Variants in COG6 observed in about 807,000 individuals in gnomAD.
The protein encoded by COG6 is conserved oligomeric Golgi complex subunit 6.
Under a neutral mutation model 88.8 loss-of-function variants are expected in COG6, and 74 were observed. The observed-to-expected ratio is 0.83, with a 90% confidence interval of 0.69 to 1.01. COG6 has a LOEUF of 1.01. Among genes scored for constraint, COG6 ranks in the 50% least tolerant of loss-of-function variants. The pLI is 0.00. For synonymous variants in COG6, 286 were observed against 278.7 expected, an observed-to-expected ratio of 1.03 and a Z score of -0.26; for missense variants, 800 against 797.9, an observed-to-expected ratio of 1.00 and a Z score of -0.03.
chr13:39,718,288 T>C (rs1307402700), intron 13 of COG6, among the ~76,000 whole-genome samples: 1 of 152,134 alleles, frequency 6.6e-6, no homozygotes. Flanking sequence ...TGAAACCATC[T>C]TATAATAAAT....
chr13:39,678,804 T>C (rs1876128377), intron 5 of COG6, among the ~76,000 whole-genome samples: 1 of 152,132 alleles, frequency 6.6e-6, no homozygotes. Flanking sequence ...GGTGAGAGAA[T>C]TAATAGAGAT....
chr13:39,766,285 A>G (rs1881163369), intron 18 of COG6, among the ~76,000 whole-genome samples: 1 of 152,184 alleles, frequency 6.6e-6, no homozygotes, highest in Admixed American at 6.5e-5. Flanking sequence ...CTTGAAAGGA[A>G]AGGGTTGCCA....
At chr13:39,700,674 A>G (rs776122268) in intron 13 of COG6, among the ~76,000 whole-genome samples, 4 of 151,916 alleles carry the variant, frequency 2.6e-5, no homozygotes, top group East Asian at 1.9e-4. Flanking sequence ...TGAACACTCA[A>G]CATCTGTTGG....
chr13:39,672,309 A>G (rs1322688288), intron 4 of COG6, among the ~76,000 whole-genome samples: 3 of 152,006 alleles, frequency 2.0e-5, no homozygotes, highest in Non-Finnish European at 4.4e-5. Context: ...ACATATCATA[A>G]AATTAAAGTA....
chr13:39,695,862 G>A (rs1401632210), intron 12 of COG6, among the ~76,000 whole-genome samples: 2 of 151,912 alleles, frequency 1.3e-5, no homozygotes, highest in African/African-American at 4.8e-5. Flanking sequence ...ATAGCATCCT[G>A]TAATAAGAGA....
chr13:39,710,847 T>C (rs866299860), intron 13 of COG6, among the ~76,000 whole-genome samples: 394 of 150,262 alleles, frequency 2.6e-3, no homozygotes, highest in African/African-American at 8.8e-3. Context: ...TTCTTTTCTT[T>C]TTTTTTTTGA....
At chr13:39,718,203 A>G (rs545412169) in intron 13 of COG6, among the ~76,000 whole-genome samples, 23 of 151,952 alleles carry the variant, frequency 1.5e-4, no homozygotes, top group Non-Finnish European at 2.8e-4. Flanking sequence ...TGTTGTTTTT[A>G]TGAAGGAGAG....
chr13:39,781,885 A>G (rs977507402), intron 18 of COG6, among the ~76,000 whole-genome samples: 10 of 152,242 alleles, frequency 6.6e-5, no homozygotes, highest in African/African-American at 1.9e-4. Flanking sequence ...TTAATACTTT[A>G]TGGGAAGAAA....
intron 15 of COG6, among the ~76,000 whole-genome samples, chr13:39,722,637 A>G (rs1566195945): frequency 1.3e-5 from 2 of 151,596 alleles, no homozygotes; most frequent in Non-Finnish European, 2.9e-5. Flanking sequence ...AAAAAAAAGA[A>G]CAAGATTTTT....
intron 18 of COG6, among the ~76,000 whole-genome samples, chr13:39,728,863 C>T (rs957288735): frequency 3.3e-5 from 5 of 152,056 alleles, no homozygotes; most frequent in Admixed American, 2.6e-4. Context: ...TGGGGTGTCA[C>T]CATATTGGCC....
At chr13:39,753,765 G>C (rs1488559411), downstream of COG6, among the ~76,000 whole-genome samples, 1 of 151,976 alleles carries the variant, frequency 6.6e-6, no homozygotes, top group Non-Finnish European at 1.5e-5. Flanking sequence ...CCTCTCTGTA[G>C]GATTATTCTC....
At chr13:39,757,198 CAT>C (rs138242043), downstream of COG6, among the ~76,000 whole-genome samples, 2,246 of 152,184 alleles carry the variant, frequency 0.015, 50 homozygotes, top group African/African-American at 0.05. Context: ...AATATACTAA[CAT>C]GTGGAAATTA....
In COG6 at chr13:39,655,748, G is replaced by C. The variant is rs767038050; in HGVS notation, c.22G>C (p.Val8Leu). The C allele has an allele frequency of 1.9e-6, 3 of 1,595,334 alleles. No homozygotes were observed. The South Asian group carries it at 3.4e-5, about 18-fold the overall frequency. MAEGSGEVVAVSATGAAN... is the reference protein window; with the variant it reads MAEGSGELVAVSATGAAN... ...CGCTATGGCAGAGGGCAGCGGGGAAGTGGTCGCAGTGTCTGCGACCGGGGC... is the reference window on the plus strand; with the variant it reads ...CGCTATGGCAGAGGGCAGCGGGGAACTGGTCGCAGTGTCTGCGACCGGGGC... Residue 8 changes from valine to leucine, a missense_variant, in exon 1 of 19, where the codon GTG (valine) becomes CTG (leucine). Physicochemically the swap from Val to Leu is conservative, Grantham distance 32. Transcript: ENST00000455146.
intron 18 of COG6, among the ~76,000 whole-genome samples, chr13:39,731,512 T>A (rs1879452691): frequency 6.6e-6 from 1 of 152,216 alleles, no homozygotes; most frequent in Non-Finnish European, 1.5e-5. Context: ...AAACCACAGT[T>A]GTGCATATAT....
rs758521943 is a variant in COG6, at chr13:39,724,489, T to C, written c.1693-19T>C. Reference sequence around the variant, plus strand: ...TTTTTACATCTTGGATCTGCTTTTTTTTTTTTTTTTTTAAATAGGGCTCTT... The same window carrying C: ...TTTTTACATCTTGGATCTGCTTTTTCTTTTTTTTTTTTAAATAGGGCTCTT... On this transcript the variant is annotated intron_variant, in intron 16 of 18. Coordinates refer to ENST00000455146, the MANE Select transcript of COG6 (RefSeq NM_020751.3). 9.2e-6 allele frequency: 14 copies of C among 1,523,074 alleles called. No homozygotes were observed. The highest frequency in any genetic ancestry group is 1.2e-5 in the Non-Finnish European group (14 of 1,124,336). 94.3% of individuals were successfully genotyped at this position (1,523,074 alleles called of 1,614,324 possible).
chr13:39,775,277 G>A (rs202229543), intron 18 of COG6, among the ~76,000 whole-genome samples: 1 of 52,734 alleles, frequency 1.9e-5, no homozygotes, highest in African/African-American at 6.3e-5. Context: ...ACTCAAATAA[G>A]TTAAGACAGG....
intron 18 of COG6, among the ~76,000 whole-genome samples, chr13:39,777,153 C>T (rs1881488643): frequency 6.6e-6 from 1 of 152,028 alleles, no homozygotes; most frequent in South Asian, 2.1e-4. Context: ...TAAATATGAC[C>T]CTGCCACTGT....
chr13:39,789,695 T>C (rs1881884323), exon 19 of COG6: 1 of 152,200 alleles, frequency 6.6e-6, no homozygotes, highest in Non-Finnish European at 1.5e-5. Flanking sequence ...CTAATCGGAA[T>C]TAGTTTAGCT....
chr13:39,744,675 A>G (rs1449543431), intron 18 of COG6, among the ~76,000 whole-genome samples: 1 of 152,210 alleles, frequency 6.6e-6, no homozygotes, highest in Admixed American at 6.5e-5. Flanking sequence ...AAATGGCCAT[A>G]CTACCCAAGA....
Sources: gnomAD v4.1 joint callset for allele counts (sites outside exome capture counted in the v4.1 genomes callset) on GRCh38, gnomAD v4.1.1 for gene constraint, MANE v1.5 for transcripts, NCBI Gene and HGNC (gene_info 2026-07-23, HGNC 2026-07-21) for gene names.